Variants in NOVA1 observed in about 807,000 individuals in gnomAD.
NOVA1 encodes the protein NOVA alternative splicing regulator 1.
In NOVA1, 7 loss-of-function variants were observed where a neutral mutation model predicts 38.0. That is an observed-to-expected ratio of 0.18 (90% CI 0.10 to 0.35). The LOEUF is 0.35. Among genes scored for constraint, NOVA1 ranks in the 10% least tolerant of loss-of-function variants. NOVA1 has a pLI of 1.00. For missense variants in NOVA1, 460 were observed against 616.0 expected (o/e 0.75, Z 2.68); for synonymous variants, 270 against 232.5 (o/e 1.16, Z -1.47).
At position 26,500,421 on chromosome 14, in the gene NOVA1, G is replaced by A. The variant is rs558706920; in HGVS notation, c.281-20278C>T. On this transcript the variant is annotated intron_variant, in intron 2 of 4. Coordinates refer to ENST00000539517, the MANE Select transcript of NOVA1 (RefSeq NM_002515.3). ...TAAATCACAAAAGCTCTTGAGGTAA[G>A]GGGCCATCCCAGGAAAAGAGAACTA... 3.3e-5 allele frequency among the ~76,000 whole-genome samples: 5 copies of A among 152,014 alleles called. No homozygotes were observed. The South Asian group carries it at 1.0e-3, about 32-fold the overall frequency.
intron 2 of NOVA1, among the ~76,000 whole-genome samples, chr14:26,483,813 A>G (rs1885652086): frequency 6.6e-6 from 1 of 152,194 alleles, no homozygotes; most frequent in South Asian, 2.1e-4. Context: ...TACTCTCCAG[A>G]CAAAAGAAGA....
intron 2 of NOVA1, among the ~76,000 whole-genome samples, chr14:26,500,449 T>C (rs537786077): frequency 6.6e-6 from 1 of 151,706 alleles, no homozygotes; most frequent in East Asian, 1.9e-4. Context: ...GAGAACTACA[T>C]GTGTAAAGGT....
intron 2 of NOVA1, among the ~76,000 whole-genome samples, chr14:26,581,391 T>C (rs1459867407): frequency 6.6e-6 from 1 of 152,034 alleles, no homozygotes; most frequent in Admixed American, 6.6e-5. Context: ...GTAGACATTA[T>C]ATATAATTTA....
At chr14:26,547,468 T>C (rs1347733098) in intron 2 of NOVA1, among the ~76,000 whole-genome samples, 2 of 152,132 alleles carry the variant, frequency 1.3e-5, no homozygotes, top group East Asian at 3.9e-4. Context: ...CCATACACTA[T>C]GGGTATAATA....
chr14:26,585,720 A>G lies in NOVA1; in HGVS notation c.280+9690T>C, dbSNP rs577760046. Among the ~76,000 whole-genome samples the G allele has an allele frequency of 4.0e-5, 6 of 151,354 alleles. No homozygotes were observed. The South Asian group carries it at 1.2e-3, about 31-fold the overall frequency. On this transcript the variant is annotated intron_variant, in intron 2 of 4. Coordinates refer to ENST00000539517, the MANE Select transcript of NOVA1 (RefSeq NM_002515.3). Reference sequence around the variant, plus strand: ...TTAAGTTATTTTAAAGGTGGTCTTCATTTCAGAGGTGGCTTTAACATACTC... The same window carrying G: ...TTAAGTTATTTTAAAGGTGGTCTTCGTTTCAGAGGTGGCTTTAACATACTC...
chr14:26,528,345 T>G (rs1481609803), intron 2 of NOVA1, among the ~76,000 whole-genome samples: 2 of 152,176 alleles, frequency 1.3e-5, no homozygotes, highest in Non-Finnish European at 2.9e-5. Flanking sequence ...CAATGTGGCC[T>G]ACATTTCAAG....
intron 2 of NOVA1, among the ~76,000 whole-genome samples, chr14:26,487,493 T>A (rs1258299641): frequency 6.6e-6 from 1 of 152,132 alleles, no homozygotes; most frequent in Non-Finnish European, 1.5e-5. Context: ...AAATCTCATT[T>A]AATGTTCACA....
At chr14:26,486,707 A>AAAAAAAAAAAAAAAAAAAAAC in intron 2 of NOVA1, among the ~76,000 whole-genome samples, 1 of 148,680 alleles carries the variant, frequency 6.7e-6, no homozygotes, top group Non-Finnish European at 1.5e-5. Context: ...AAAAAAAAAA[A>AAAAAAAAAAAAAAAAAAAAAC]AAAAAAAAAA....
rs1175375616 is a variant in NOVA1, at chr14:26,484,457, A to AAAAAAAAAAC, written c.281-4315_281-4314insGTTTTTTTTT. ...AAAAAAAAAAAAAAAAAAAAAAAAA[A>AAAAAAAAAAC]AAAAAGAAATTAATTGTTCTATTTT... On this transcript the variant is annotated intron_variant, in intron 2 of 4. Transcript: ENST00000539517. Among the ~76,000 whole-genome samples, 2 of 102,586 alleles carry AAAAAAAAAAC rather than the reference A, an allele frequency of 1.9e-5. 1 individual carries two copies. The highest frequency in any genetic ancestry group is 6.8e-5 in the African/African-American group (2 of 29,326). 67.3% of individuals were successfully genotyped at this position (102,586 alleles called of 152,430 possible). A position where few individuals can be genotyped will look rare whatever the true frequency, so the allele number is the denominator to read the frequency against.
intron 2 of NOVA1, among the ~76,000 whole-genome samples, chr14:26,539,887 A>C (rs1250093268): frequency 6.6e-6 from 1 of 152,046 alleles, no homozygotes; most frequent in Non-Finnish European, 1.5e-5. Flanking sequence ...AAAACAAGCT[A>C]TCTCTAAAGT....
chr14:26,534,412 T>C (rs1889931233), intron 2 of NOVA1, among the ~76,000 whole-genome samples: 2 of 152,008 alleles, frequency 1.3e-5, no homozygotes, highest in South Asian at 4.1e-4. Context: ...GAAAATATCA[T>C]GAAGGAAAAC....
chr14:26,452,422 C>G (rs1390408419), intron 4 of NOVA1, among the ~76,000 whole-genome samples: 2 of 152,048 alleles, frequency 1.3e-5, no homozygotes, highest in Non-Finnish European at 2.9e-5. Context: ...TGGTGGACAA[C>G]TGAATACTGG....
At chr14:26,505,491 C>T (rs192205156) in intron 2 of NOVA1, among the ~76,000 whole-genome samples, 3 of 152,192 alleles carry the variant, frequency 2.0e-5, no homozygotes, top group African/African-American at 4.8e-5. Context: ...GGAAGTCTCC[C>T]CAGCCATGTG....
At chr14:26,554,183 A>AG (rs767832325) in intron 2 of NOVA1, among the ~76,000 whole-genome samples, 89 of 136,522 alleles carry the variant, frequency 6.5e-4, no homozygotes, top group Non-Finnish European at 1.2e-3. Context: ...AGAAAAAGAA[A>AG]GAAGGAAGGA....
Position 26,481,988 on chromosome 14 carries a change from TAAAAAAAAAAAAA to T in NOVA1, c.281-1858_281-1846del, listed in dbSNP as rs372806170. 2.8e-5 allele frequency among the ~76,000 whole-genome samples: 3 copies of T among 105,962 alleles called. No individual in the cohort carries two copies. In the East Asian group the frequency reaches 8.3e-4, roughly 29 times the overall value. The allele number at this position is 105,962 out of a possible 152,430, so 69.5% of individuals were successfully genotyped here. On this transcript the variant is annotated intron_variant, in intron 2 of 4. Coordinates refer to ENST00000539517, the MANE Select transcript of NOVA1 (RefSeq NM_002515.3). ...CAAAACAGTCTAACTTAGATAGAGA[TAAAAAAAAAAAAA>T]AAAAAAAAAAAAACATGGCTCTAAA... is the stretch of plus-strand genomic sequence containing the variant.
chr14:26,454,311 T>C (rs1191674850), intron 4 of NOVA1, among the ~76,000 whole-genome samples: 2 of 152,198 alleles, frequency 1.3e-5, no homozygotes, highest in African/African-American at 4.8e-5. Context: ...CTCACACCCA[T>C]AACCTTTACT....
At chr14:26,485,172 T>C (rs2138322644) in intron 2 of NOVA1, among the ~76,000 whole-genome samples, 1 of 152,214 alleles carries the variant, frequency 6.6e-6, no homozygotes, top group South Asian at 2.1e-4. Context: ...GAAGAGTGCC[T>C]GGCACACTAC....
At chr14:26,521,256 T>C (rs1594456430) in intron 2 of NOVA1, among the ~76,000 whole-genome samples, 2 of 152,056 alleles carry the variant, frequency 1.3e-5, no homozygotes, top group East Asian at 3.9e-4. Context: ...TGTTAATATA[T>C]TTCATACCTT....
At chr14:26,514,200 AG>A (rs1483907513) in intron 2 of NOVA1, among the ~76,000 whole-genome samples, 1 of 151,764 alleles carries the variant, frequency 6.6e-6, no homozygotes, top group Non-Finnish European at 1.5e-5. Context: ...TGTCAATGTA[AG>A]TATAGGCACA....
Sources: gnomAD v4.1 joint callset for allele counts (sites outside exome capture counted in the v4.1 genomes callset) on GRCh38, gnomAD v4.1.1 for gene constraint, MANE v1.5 for transcripts, NCBI Gene and HGNC (gene_info 2026-07-23, HGNC 2026-07-21) for gene names.